Variants in ZNF121 observed in about 807,000 individuals in gnomAD.
The protein encoded by ZNF121 is zinc finger protein 121.
ZNF121 carries 1 observed loss-of-function variant against 2.4 expected under a neutral mutation model. The ratio of observed to expected loss-of-function variants is 0.41; its 90% CI spans 0.15 to 1.94. The LOEUF (loss-of-function observed/expected upper bound fraction) is 1.94, where lower values mean the gene tolerates loss of function less well. ZNF121 is among the 30% of genes most tolerant of loss of function. The pLI, the probability that ZNF121 is intolerant of heterozygous loss-of-function variation, is 0.30. For missense variants in ZNF121, 369 were observed against 466.3 expected (o/e 0.79, Z 1.92); for synonymous variants, 173 against 158.6 (o/e 1.09, Z -0.68).
intron 1 of ZNF121, among the ~76,000 whole-genome samples, chr19:9,580,068 G>A (rs907706834): frequency 5.3e-5 from 8 of 151,986 alleles, no homozygotes; most frequent in African/African-American, 1.5e-4. Context: ...TGAGACGGGC[G>A]GATCACGACG....
At chr19:9,581,901 T>A (rs1373016825) in intron 1 of ZNF121, among the ~76,000 whole-genome samples, 1 of 152,218 alleles carries the variant, frequency 6.6e-6, no homozygotes, top group Non-Finnish European at 1.5e-5. Context: ...GGCGATGCAT[T>A]ACCAAGTATT....
Position 9,568,171 on chromosome 19 carries a change from C to A in ZNF121, c.-74G>T. On this transcript the variant is annotated 5_prime_UTR_variant, in exon 3 of 4. Coordinates refer to ENST00000320451, the MANE Select transcript of ZNF121 (RefSeq NM_001008727.5). ...GTGCTGACACTTTGGTTTTAACTTG[C>A]CATTCTGAAGTAAAACAGAAAAAAA... 3 of 1,444,860 alleles carry A rather than the reference C, an allele frequency of 2.1e-6. No individual in the cohort carries two copies. The highest frequency in any genetic ancestry group is 1.5e-5 in the South Asian group (1 of 67,258). 89.5% of individuals were successfully genotyped at this position (1,444,860 alleles called of 1,614,324 possible).
At chr19:9,570,077 G>A (rs138819200) in intron 1 of ZNF121, among the ~76,000 whole-genome samples, 234 of 151,852 alleles carry the variant, frequency 1.5e-3, no homozygotes, top group African/African-American at 5.4e-3. Flanking sequence ...GTGGTGGCAC[G>A]TGCCTGTAGT....
rs936757629 is a variant in ZNF121, at chr19:9,565,056, A to G, written c.*884T>C. ...CACAAGAGACTACCATATGATGTAA[A>G]CCTAACTTATATGCACTGGGAAACC... On this transcript the variant is annotated 3_prime_UTR_variant, in exon 4 of 4. Transcript: ENST00000320451. 15 of 152,292 alleles carry G rather than the reference A, an allele frequency of 9.8e-5. No individual in the cohort carries two copies. The highest frequency in any genetic ancestry group is 3.4e-4 in the African/African-American group (14 of 41,566). 9.4% of individuals were successfully genotyped at this position (152,292 alleles called of 1,614,324 possible). A position where few individuals can be genotyped will look rare whatever the true frequency, so the allele number is the denominator to read the frequency against.
intron 1 of ZNF121, among the ~76,000 whole-genome samples, chr19:9,578,325 C>A (rs2074225963): frequency 6.6e-6 from 1 of 151,618 alleles, no homozygotes; most frequent in Non-Finnish European, 1.5e-5. Flanking sequence ...ACCTGGGAGA[C>A]AGAGGTTGCA....
chr19:9,569,350 G>A (rs2074156925), intron 1 of ZNF121, among the ~76,000 whole-genome samples: 1 of 151,978 alleles, frequency 6.6e-6, no homozygotes, highest in South Asian at 2.1e-4. Context: ...GGAGGCTGAG[G>A]TGGGAGAATC....
intron 1 of ZNF121, among the ~76,000 whole-genome samples, chr19:9,577,240 T>C (rs1470583094): frequency 2.0e-5 from 3 of 151,842 alleles, no homozygotes; most frequent in South Asian, 2.1e-4. Context: ...AGTTAGGAGT[T>C]TGAGACCAGC....
At position 9,560,365 on chromosome 19, in the gene ZNF121, T is replaced by C. The variant is rs556265435; in HGVS notation, c.*5575A>G. ...CAATTTTTATTGTGATAAAAACACATAAAATTTACCCTTTCACATACTTTG... is the reference window on the plus strand; with the variant it reads ...CAATTTTTATTGTGATAAAAACACACAAAATTTACCCTTTCACATACTTTG... On this transcript the variant is annotated 3_prime_UTR_variant, in exon 4 of 4. Transcript: ENST00000320451. 5.9e-5 allele frequency: 9 copies of C among 152,180 alleles called. No individual in the cohort carries two copies. Among genetic ancestry groups the C allele is most frequent in the Non-Finnish European group, 1.3e-4 (9 of 68,026 alleles). 9.4% of individuals were successfully genotyped at this position (152,180 alleles called of 1,614,324 possible). A position where few individuals can be genotyped will look rare whatever the true frequency, so the allele number is the denominator to read the frequency against.
Position 9,567,095 on chromosome 19 carries a change from A to G in ZNF121, c.18T>C (p.Asn6=), listed in dbSNP as rs781494845. The G allele has an allele frequency of 8.7e-6, 14 of 1,608,872 alleles. No individual in the cohort carries two copies. The highest frequency in any genetic ancestry group is 1.2e-5 in the Non-Finnish European group (14 of 1,177,234). Residue 6 remains asparagine (N), a synonymous_variant, in exon 4 of 4, where the codon AAT becomes AAC. Transcript: ENST00000320451. MAEIH[N]GGELCDFMEN... is the part of the protein sequence containing the mutation. The stretch of plus-strand genomic sequence containing the variant: ...CCATAAAGTCACAGAGTTCCCCTCC[A>G]TTGTGGATTTCTGCCTGTTAATAAA...
At chr19:9,579,585 T>C (rs978437244) in intron 1 of ZNF121, among the ~76,000 whole-genome samples, 1 of 152,156 alleles carries the variant, frequency 6.6e-6, no homozygotes, top group East Asian at 1.9e-4. Flanking sequence ...GGAGAATCAC[T>C]TGAACCCAGG....
At chr19:9,577,510 A>G (rs904281426) in intron 1 of ZNF121, among the ~76,000 whole-genome samples, 1 of 152,068 alleles carries the variant, frequency 6.6e-6, no homozygotes, top group Non-Finnish European at 1.5e-5. Flanking sequence ...GGAGCTATGC[A>G]AGGAAAACTA....
At chr19:9,567,859 G>A (rs1559200) in intron 3 of ZNF121, 36,240 of 403,388 alleles carry the variant, frequency 0.09, 2,075 homozygotes, top group South Asian at 0.19. Context: ...TAATACAAGC[G>A]ATGGGGAATG....
intron 1 of ZNF121, among the ~76,000 whole-genome samples, chr19:9,572,708 A>C (rs1469750008): frequency 6.6e-6 from 1 of 152,242 alleles, no homozygotes; most frequent in Non-Finnish European, 1.5e-5. Flanking sequence ...TAGCAAAGGC[A>C]AACGTGGGTT....
In ZNF121 at chr19:9,566,278, T is replaced by C; in HGVS notation, c.835A>G (p.Thr279Ala). 1 of 1,614,158 alleles carries C rather than the reference T, an allele frequency of 6.2e-7. No homozygotes were observed. The highest frequency in any genetic ancestry group is 8.5e-7 in the Non-Finnish European group (1 of 1,180,024). The change falls in exon 4 of 4, where the codon ACT becomes GCT. Residue 279 changes from threonine (T) to alanine (A), a missense_variant. Physicochemically the swap from Thr to Ala is moderately conservative, Grantham distance 58. Coordinates refer to ENST00000320451, the MANE Select transcript of ZNF121 (RefSeq NM_001008727.5). ...SCLKNHFRIH[T>A]GIKPYKCKEC... ...TTACATTTATAGGGTTTTATTCCAG[T>C]GTGAATTCTAAAGTGATTCTTAAGG...
chr19:9,576,353 C>T (rs979852546), intron 1 of ZNF121, among the ~76,000 whole-genome samples: 4 of 151,380 alleles, frequency 2.6e-5, no homozygotes, highest in African/African-American at 7.3e-5. Context: ...AATTACACAA[C>T]GGAACATTGT....
At position 9,565,969 on chromosome 19, in the gene ZNF121, A is replaced by G. The variant is rs1361908559; in HGVS notation, c.1144T>C (p.Leu382=). The G allele has an allele frequency of 6.4e-7, 1 of 1,574,344 alleles. No homozygotes were observed. Among genetic ancestry groups the G allele is most frequent in the Admixed American group, 1.9e-5 (1 of 52,100 alleles). ...ECGKAYNRFY[L]LTKHLKTH is the part of the protein sequence containing the mutation. Reference sequence around the variant, plus strand: ...TGTGTTTTTAAATGTTTAGTAAGTAAATAAAATCTATTGTAGGCTTTCCCA... The same window carrying G: ...TGTGTTTTTAAATGTTTAGTAAGTAGATAAAATCTATTGTAGGCTTTCCCA... The change falls in exon 4 of 4, where the codon TTA becomes CTA. Residue 382 remains leucine (L), a synonymous_variant. Transcript: ENST00000320451.
At position 9,562,948 on chromosome 19, in the gene ZNF121, T is replaced by C. The variant is rs1432809658; in HGVS notation, c.*2992A>G. 6.8e-6 allele frequency: 1 copy of C among 147,604 alleles called. No individual in the cohort carries two copies. The highest frequency in any genetic ancestry group is 1.5e-5 in the Non-Finnish European group (1 of 67,474). The allele number at this position is 147,604 out of a possible 1,614,324, so 9.1% of individuals were successfully genotyped here. On this transcript the variant is annotated 3_prime_UTR_variant, in exon 4 of 4. Coordinates refer to ENST00000320451, the MANE Select transcript of ZNF121 (RefSeq NM_001008727.5). Reference sequence around the variant, plus strand: ...CATGGTGGTGCACACCTGCAGTCTTTAGCTACTCAGGAGACAGGAAGATCA... The same window carrying C: ...CATGGTGGTGCACACCTGCAGTCTTCAGCTACTCAGGAGACAGGAAGATCA...
In ZNF121 at chr19:9,562,839, G is replaced by C. The variant is rs911974256; in HGVS notation, c.*3101C>G. 5 of 144,332 alleles carry C rather than the reference G, an allele frequency of 3.5e-5. No homozygotes were observed. The highest frequency in any genetic ancestry group is 2.9e-4 in the Admixed American group (4 of 13,938). 8.9% of individuals were successfully genotyped at this position (144,332 alleles called of 1,614,324 possible). ...GGCAGATAGGGGAGCATCACTTGAG[G>C]TTTTAAGTTCAAGATCAGCCGGGTA... On this transcript the variant is annotated 3_prime_UTR_variant, in exon 4 of 4. Transcript: ENST00000320451.
chr19:9,565,933 T>C lies in ZNF121; in HGVS notation c.*7A>G, dbSNP rs757737171. 2.6e-6 allele frequency: 4 copies of C among 1,524,882 alleles called. No individual in the cohort carries two copies. In the South Asian group the frequency reaches 3.9e-5, roughly 15 times the overall value. 94.5% of individuals were successfully genotyped at this position (1,524,882 alleles called of 1,614,324 possible). A position where few individuals can be genotyped will look rare whatever the true frequency, so the allele number is the denominator to read the frequency against. ...ATTTCCACATTCCTTACATTCAGAG[T>C]TTTTCTTCAGTGTGTTTTTAAATGT... On this transcript the variant is annotated 3_prime_UTR_variant, in exon 4 of 4. Coordinates refer to ENST00000320451, the MANE Select transcript of ZNF121 (RefSeq NM_001008727.5).
Sources: allele counts gnomAD v4.1 joint callset (sites outside exome capture counted in the v4.1 genomes callset), GRCh38; gene constraint gnomAD v4.1.1; transcripts MANE v1.5; gene names NCBI Gene and HGNC (gene_info 2026-07-23, HGNC 2026-07-21).